The following STAT4 variants were observed in gnomAD, a reference collection of about 807,000 sequenced individuals.
The protein encoded by STAT4 is signal transducer and activator of transcription 4.
In STAT4, 42 loss-of-function variants were observed where a neutral mutation model predicts 110.5. The ratio of observed to expected loss-of-function variants is 0.38; its 90% confidence interval spans 0.30 to 0.49. The LOEUF (loss-of-function observed/expected upper bound fraction) is 0.49, where lower values mean the gene tolerates loss of function less well. Ranked by LOEUF, STAT4 falls within the 20% of genes least tolerant of loss-of-function variation. STAT4 has a pLI of 0.95. For missense variants in STAT4, 632 were observed against 887.9 expected (o/e 0.71, Z 3.66); for synonymous variants, 284 against 302.2 (o/e 0.94, Z 0.63).
chr2:191,043,961 TA>T lies in STAT4; in HGVS notation c.1252-2814del, dbSNP rs1200663600. Among the ~76,000 whole-genome samples the T allele has an allele frequency of 1.1e-5, 1 of 93,252 alleles. No individual in the cohort carries two copies. The highest frequency in any genetic ancestry group is 2.0e-5 in the Non-Finnish European group (1 of 49,350). 61.2% of individuals were successfully genotyped at this position (93,252 alleles called of 152,430 possible). ...AGTATAAAGGCATTCTTGAAAACAA[TA>T]AACATCAAAATTCAAGGCAATGGTT... On this transcript the variant is annotated intron_variant, in intron 14 of 23. Coordinates refer to ENST00000392320, the MANE Select transcript of STAT4 (RefSeq NM_003151.4). This position sits in a 1 kb window ranked among gnomAD's most constrained non-coding sequence, Gnocchi z 4.8.
chr2:191,122,474 C>G (rs1002407683), intron 3 of STAT4, among the ~76,000 whole-genome samples: 1 of 152,062 alleles, frequency 6.6e-6, no homozygotes, highest in East Asian at 1.9e-4. Context: ...ATCTTAATGC[C>G]CTATTACCCA....
chr2:191,134,548 C>T (rs977506791), intron 3 of STAT4, among the ~76,000 whole-genome samples: 12 of 152,200 alleles, frequency 7.9e-5, no homozygotes, highest in Non-Finnish European at 1.5e-4. Flanking sequence ...CTAACAAATG[C>T]ACCCTAAGCC....
At position 191,116,087 on chromosome 2, in the gene STAT4, C is replaced by T. The variant is rs1698563403; in HGVS notation, c.273+30526G>A. 6.6e-6 allele frequency among the ~76,000 whole-genome samples: 1 copy of T among 152,168 alleles called. No individual in the cohort carries two copies. The highest frequency in any genetic ancestry group is 6.5e-5 in the Admixed American group (1 of 15,268). ...ATGTGTTGGATTGTCAGAAAAACTT[C>T]ATTTGCTTGAATTGTGCTCTGATCA... On this transcript the variant is annotated intron_variant, in intron 3 of 23. Coordinates refer to ENST00000392320, the MANE Select transcript of STAT4 (RefSeq NM_003151.4). The surrounding 1 kb of genome is among the most constrained non-coding windows in gnomAD (Gnocchi z 4.1).
At chr2:191,151,322 AG>A, upstream of STAT4, 2 of 985,620 alleles carry the variant, frequency 2.0e-6, no homozygotes, top group Non-Finnish European at 2.4e-6. The surrounding 1 kb of genome is among the most constrained non-coding windows in gnomAD (Gnocchi z 4.7). Flanking sequence ...GATCCTCTGC[AG>A]AGTTACTTAC....
In STAT4 at chr2:191,059,731, CA is replaced by C. The variant is rs201844384; in HGVS notation, c.1035-963del. ...ATGAAATCATAGCTCATGGGCAGCC[CA>C]AACAAAAGGGTGGGTAGAATGTTGC... is the stretch of plus-strand genomic sequence containing the variant. On this transcript the variant is annotated intron_variant, in intron 10 of 23. Coordinates refer to ENST00000392320, the MANE Select transcript of STAT4 (RefSeq NM_003151.4). The surrounding 1 kb of genome is among the most constrained non-coding windows in gnomAD (Gnocchi z 4.7). Among the ~76,000 whole-genome samples, 22 of 152,226 alleles carry C rather than the reference CA, an allele frequency of 1.4e-4. No homozygotes were observed. In the East Asian group the frequency reaches 4.2e-3, roughly 29 times the overall value.
rs918737705 is a variant in STAT4, at chr2:191,053,654, C to T, written c.1251+836G>A. Among the ~76,000 whole-genome samples the T allele has an allele frequency of 1.3e-5, 2 of 152,078 alleles. No homozygotes were observed. The highest frequency in any genetic ancestry group is 2.9e-5 in the Non-Finnish European group (2 of 68,018). ...AAAATAATAGGGTTGTTTTTTACCC[C>T]ACATATCATAATTTTTCAGCCTGAC... On this transcript the variant is annotated intron_variant, in intron 14 of 23. Transcript: ENST00000392320. This position sits in a 1 kb window ranked among gnomAD's most constrained non-coding sequence, Gnocchi z 4.5.
chr2:191,131,372 T>G (rs1319413612), intron 3 of STAT4: 1 of 152,368 alleles, frequency 6.6e-6, no homozygotes, highest in African/African-American at 2.4e-5. Context: ...AATGGTATAC[T>G]ATGCAGCAAT....
Position 191,116,630 on chromosome 2 carries a change from A to C in STAT4, c.273+29983T>G, listed in dbSNP as rs1371796750. 1.3e-5 allele frequency among the ~76,000 whole-genome samples: 2 copies of C among 152,186 alleles called. No individual in the cohort carries two copies. Among genetic ancestry groups the C allele is most frequent in the African/African-American group, 4.8e-5 (2 of 41,452 alleles). ...TTAACTTTCTCGGTTAAAGCAGGAC[A>C]CCACTGAAGGCTGCTTGAAGACTCA... On this transcript the variant is annotated intron_variant, in intron 3 of 23. Transcript: ENST00000392320. This position sits in a 1 kb window ranked among gnomAD's most constrained non-coding sequence, Gnocchi z 4.1.
Position 191,083,313 on chromosome 2 carries a change from T to C in STAT4, c.274-6988A>G, listed in dbSNP as rs1281605297. 6.6e-6 allele frequency among the ~76,000 whole-genome samples: 1 copy of C among 152,186 alleles called. No individual in the cohort carries two copies. The highest frequency in any genetic ancestry group is 2.4e-5 in the African/African-American group (1 of 41,448). On this transcript the variant is annotated intron_variant, in intron 3 of 23. Transcript: ENST00000392320. This position sits in a 1 kb window ranked among gnomAD's most constrained non-coding sequence, Gnocchi z 4.6. ...GAACCCTTGAAGTTGGTATGGAATATGTGACAGAGTTATCTACTCAAGGAC... is the reference window on the plus strand; with the variant it reads ...GAACCCTTGAAGTTGGTATGGAATACGTGACAGAGTTATCTACTCAAGGAC...
intron 3 of STAT4, among the ~76,000 whole-genome samples, chr2:191,106,089 G>A (rs1698271322): frequency 6.6e-6 from 1 of 152,134 alleles, no homozygotes; most frequent in Admixed American, 6.5e-5. Context: ...TGAATCATCA[G>A]TAATATTAAG....
At chr2:191,115,612 G>A (rs1329339637) in intron 3 of STAT4, among the ~76,000 whole-genome samples, 2 of 152,158 alleles carry the variant, frequency 1.3e-5, no homozygotes, top group South Asian at 2.1e-4. Flanking sequence ...AGCCATTTCC[G>A]TTGTGTCTCA....
chr2:191,151,209 T>C (rs983421679), upstream of STAT4: 2 of 985,644 alleles, frequency 2.0e-6, no homozygotes, highest in African/African-American at 1.7e-5. The surrounding 1 kb of genome is among the most constrained non-coding windows in gnomAD (Gnocchi z 4.7). Flanking sequence ...TTCCCTCTTA[T>C]CCCTCCCAGC....
chr2:191,082,709 C>G lies in STAT4; in HGVS notation c.274-6384G>C, dbSNP rs1401050310. 6.6e-6 allele frequency among the ~76,000 whole-genome samples: 1 copy of G among 152,144 alleles called. No individual in the cohort carries two copies. The highest frequency in any genetic ancestry group is 2.4e-5 in the African/African-American group (1 of 41,440). On this transcript the variant is annotated intron_variant, in intron 3 of 23. Transcript: ENST00000392320. This position sits in a 1 kb window ranked among gnomAD's most constrained non-coding sequence, Gnocchi z 4.7. ...TATCTAATTTCCAAATTTGACTTGT[C>G]ATTAAAGAGTAACTAGTTCATCTGC...
Position 191,033,726 on chromosome 2 carries a change from A to T in STAT4, c.1716-100T>A. ...TTTGTTTTGAGTGTAATCAAAAGTCATTCTTACCTGAAATACTCATATATA... is the reference window on the plus strand; with the variant it reads ...TTTGTTTTGAGTGTAATCAAAAGTCTTTCTTACCTGAAATACTCATATATA... On this transcript the variant is annotated intron_variant, in intron 19 of 23. Coordinates refer to ENST00000392320, the MANE Select transcript of STAT4 (RefSeq NM_003151.4). The surrounding 1 kb of genome is among the most constrained non-coding windows in gnomAD (Gnocchi z 6.9). 6.7e-7 allele frequency: 1 copy of T among 1,498,374 alleles called. No individual in the cohort carries two copies. Among genetic ancestry groups the T allele is most frequent in the Non-Finnish European group, 9.0e-7 (1 of 1,110,400 alleles). 92.8% of individuals were successfully genotyped at this position (1,498,374 alleles called of 1,614,324 possible). A position where few individuals can be genotyped will look rare whatever the true frequency, so the allele number is the denominator to read the frequency against.
Position 191,033,223 on chromosome 2 carries a change from A to G in STAT4, c.1853-74T>C, listed in dbSNP as rs1695949528. On this transcript the variant is annotated intron_variant, in intron 20 of 23. Coordinates refer to ENST00000392320, the MANE Select transcript of STAT4 (RefSeq NM_003151.4). This position sits in a 1 kb window ranked among gnomAD's most constrained non-coding sequence, Gnocchi z 6.9. ...TTGTGACCATTTCTTCCCTGCCCAC[A>G]TTATCTTCATGCCACTGGAGTGACT... The G allele has an allele frequency of 2.1e-6, 3 of 1,447,122 alleles. No homozygotes were observed. The highest frequency in any genetic ancestry group is 2.8e-6 in the Non-Finnish European group (3 of 1,062,336). 89.6% of individuals were successfully genotyped at this position (1,447,122 alleles called of 1,614,324 possible).
At chr2:191,105,472 A>G (rs1698253789) in intron 3 of STAT4, among the ~76,000 whole-genome samples, 1 of 152,244 alleles carries the variant, frequency 6.6e-6, no homozygotes, top group Non-Finnish European at 1.5e-5. Flanking sequence ...TCTCCTGATT[A>G]TGAGTACATC....
Position 191,107,043 on chromosome 2 carries a change from T to C in STAT4, c.274-30718A>G, listed in dbSNP as rs1574161125. Among the ~76,000 whole-genome samples the C allele has an allele frequency of 6.6e-6, 1 of 152,328 alleles. No individual in the cohort carries two copies. Among genetic ancestry groups the C allele is most frequent in the Non-Finnish European group, 1.5e-5 (1 of 68,034 alleles). On this transcript the variant is annotated intron_variant, in intron 3 of 23. Coordinates refer to ENST00000392320, the MANE Select transcript of STAT4 (RefSeq NM_003151.4). The surrounding 1 kb of genome is among the most constrained non-coding windows in gnomAD (Gnocchi z 4.2). ...TATTTGGACTTGATAGACACATGTA[T>C]GAAATTCAAGTACTCTACACATTAA...
Position 191,030,895 on chromosome 2 carries a change from A to T in STAT4, c.2220+77T>A. On this transcript the variant is annotated intron_variant, in intron 23 of 23. Coordinates refer to ENST00000392320, the MANE Select transcript of STAT4 (RefSeq NM_003151.4). This position sits in a 1 kb window ranked among gnomAD's most constrained non-coding sequence, Gnocchi z 4.4. ...TTTCTCCCTACCCAGGCAGTATTTCAGCCCCTTTGATTCACACACCACCTT... is the reference window on the plus strand; with the variant it reads ...TTTCTCCCTACCCAGGCAGTATTTCTGCCCCTTTGATTCACACACCACCTT... 7.5e-7 allele frequency: 1 copy of T among 1,330,026 alleles called. No homozygotes were observed. The highest frequency in any genetic ancestry group is 1.1e-6 in the Non-Finnish European group (1 of 926,110). The allele number at this position is 1,330,026 out of a possible 1,614,324, so 82.4% of individuals were successfully genotyped here. A position where few individuals can be genotyped will look rare whatever the true frequency, so the allele number is the denominator to read the frequency against.
chr2:191,095,313 C>T (rs989324913), intron 3 of STAT4, among the ~76,000 whole-genome samples: 1 of 152,180 alleles, frequency 6.6e-6, no homozygotes, highest in Non-Finnish European at 1.5e-5. Flanking sequence ...AATATACATT[C>T]TTCTCAGCAC....
Sources: allele counts gnomAD v4.1 joint callset (sites outside exome capture counted in the v4.1 genomes callset), GRCh38; gene constraint gnomAD v4.1.1; non-coding constraint Gnocchi (gnomAD v3.1); transcripts MANE v1.5; gene names NCBI Gene and HGNC (gene_info 2026-07-23, HGNC 2026-07-21).